Variants in TLN2 observed in about 807,000 individuals in gnomAD.
TLN2 encodes the protein talin-2.
A neutral mutation model predicts 294.7 loss-of-function variants in TLN2; 118 were observed. That is an observed-to-expected ratio of 0.40 (90% CI 0.34 to 0.47). The LOEUF is 0.47. Among genes scored for constraint, TLN2 ranks in the 20% least tolerant of loss-of-function variants. The probability of loss-of-function intolerance (pLI) is 0.84; values close to 1 mark genes in which losing one functional copy is unlikely to be tolerated. For synonymous variants in TLN2, 1,431 were observed against 1,304.5 expected (o/e 1.10, Z -2.09); for missense variants, 3,083 against 3,282.2 (o/e 0.94, Z 1.48).
chr15:62,825,793 A>AAT (rs1555521866), intron 54 of TLN2, among the ~76,000 whole-genome samples: 757 of 9,320 alleles, frequency 0.081, 27 homozygotes, highest in South Asian at 0.15. Context: ...TATATATTAT[A>AAT]ATATATATTA....
chr15:62,419,013 A>G (rs553784715), intron 1 of TLN2, among the ~76,000 whole-genome samples: 1 of 152,340 alleles, frequency 6.6e-6, no homozygotes, highest in South Asian at 2.1e-4. Context: ...TAACTTGGGT[A>G]TGTGAATCAG....
intron 1 of TLN2, among the ~76,000 whole-genome samples, chr15:62,445,223 T>G (rs1018174213): frequency 6.6e-6 from 1 of 152,184 alleles, no homozygotes; most frequent in African/African-American, 2.4e-5. Context: ...GTCGTTCTTA[T>G]CCCTGCCAGT....
intron 17 of TLN2, 135 bp downstream of exon 17, chr15:62,701,349 T>G: frequency 1.4e-6 from 1 of 739,108 alleles, no homozygotes; most frequent in East Asian, 2.8e-5. Context: ...CTAAGGCACT[T>G]TTAGTGCTGT....
intron 9 of TLN2, among the ~76,000 whole-genome samples, chr15:62,664,268 G>C (rs2054264177): frequency 6.6e-6 from 1 of 151,822 alleles, no homozygotes; most frequent in Non-Finnish European, 1.5e-5. Flanking sequence ...CAGGATAGCA[G>C]TATATACTTC....
intron 40 of TLN2, among the ~76,000 whole-genome samples, chr15:62,765,130 T>A (rs575537703): frequency 1.8e-4 from 28 of 151,688 alleles, no homozygotes; most frequent in Admixed American, 6.6e-4. Context: ...ATGTGCTCCC[T>A]GATCATACAC....
intron 37 of TLN2, among the ~76,000 whole-genome samples, chr15:62,759,893 C>T (rs2062556234): frequency 6.6e-6 from 1 of 152,246 alleles, no homozygotes; most frequent in Non-Finnish European, 1.5e-5. Context: ...CTGCCTCGCA[C>T]TGGTGTTCTC....
intron 9 of TLN2, among the ~76,000 whole-genome samples, chr15:62,659,297 A>G (rs1187861017): frequency 6.6e-6 from 1 of 152,208 alleles, no homozygotes; most frequent in African/African-American, 2.4e-5. Flanking sequence ...TCTGACTTCT[A>G]ACACCGGGTT....
intron 51 of TLN2, among the ~76,000 whole-genome samples, chr15:62,807,513 G>A (rs117461241): frequency 0.013 from 1,968 of 152,292 alleles, 22 homozygotes; most frequent in Middle Eastern, 0.031. Flanking sequence ...GGTCGCTATG[G>A]TTGATGCGTG....
intron 1 of TLN2, among the ~76,000 whole-genome samples, chr15:62,487,318 C>T (rs915401634): frequency 2.0e-5 from 3 of 152,134 alleles, no homozygotes; most frequent in Non-Finnish European, 4.4e-5. Context: ...TCCTTGTAGA[C>T]GTGATTCTGA....
rs188219890 is a variant in TLN2, at chr15:62,762,815, C to T, written c.4961+362C>T. The stretch of plus-strand genomic sequence containing the variant: ...TGTCTAATCACTGTACTACATTGTC[C>T]GTATCTAGGAGTTTAGTCATTGAGC... On this transcript the variant is annotated intron_variant, in intron 39 of 58. Transcript: ENST00000636159. Among the ~76,000 whole-genome samples the T allele has an allele frequency of 8.5e-5, 13 of 152,238 alleles. No homozygotes were observed. In the East Asian group the frequency reaches 1.9e-3, roughly 23 times the overall value.
At chr15:62,730,916 A>G (rs1029187943) in intron 28 of TLN2, among the ~76,000 whole-genome samples, 5 of 152,026 alleles carry the variant, frequency 3.3e-5, no homozygotes, top group African/African-American at 7.2e-5. Context: ...CTTCTGTCCC[A>G]TTTCCTTTCT....
intron 2 of TLN2, among the ~76,000 whole-genome samples, chr15:62,599,366 C>T (rs992714147): frequency 6.6e-6 from 1 of 152,150 alleles, no homozygotes; most frequent in African/African-American, 2.4e-5. Flanking sequence ...ACAGTGATCT[C>T]ACTGTGACTT....
intron 57 of TLN2, among the ~76,000 whole-genome samples, chr15:62,837,198 CTT>C (rs1269780031): frequency 3.3e-5 from 5 of 152,152 alleles, no homozygotes; most frequent in Admixed American, 3.3e-4. Flanking sequence ...TTTTGGCCCT[CTT>C]GAGTCCCTCT....
intron 42 of TLN2, 100 bp downstream of exon 42, chr15:62,771,234 T>G (rs1567570302): frequency 7.5e-7 from 1 of 1,326,648 alleles, no homozygotes; most frequent in East Asian, 2.5e-5. Flanking sequence ...TTCCAGTTCT[T>G]GCTGGTGGCA....
At chr15:62,774,902 T>C (rs999010518) in intron 42 of TLN2, among the ~76,000 whole-genome samples, 1 of 151,570 alleles carries the variant, frequency 6.6e-6, no homozygotes, top group African/African-American at 2.4e-5. Context: ...GGTGCTCCTG[T>C]CTCCCCCAGA....
chr15:62,537,239 C>T (rs1307323283), intron 1 of TLN2, among the ~76,000 whole-genome samples: 3 of 152,034 alleles, frequency 2.0e-5, no homozygotes, highest in Non-Finnish European at 4.4e-5. Flanking sequence ...AGGATGATCT[C>T]GATCTGACCT....
In TLN2 at chr15:62,805,711, T is replaced by C. The variant is rs754023148; in HGVS notation, c.6589T>C (p.Cys2197Arg). 4 of 1,614,194 alleles carry C rather than the reference T, an allele frequency of 2.5e-6. No homozygotes were observed. The highest frequency in any genetic ancestry group is 1.1e-5 in the South Asian group (1 of 91,086). ...TAKAVAAGNS[C>R]RQEDVIATAN... ...CAAAGCCGTGGCAGCTGGGAACTCA[T>C]GTAGACAGGAGGACGTGATTGCTAC... The change falls in exon 51 of 59, where the codon TGT (cysteine) becomes CGT (arginine). Residue 2197 changes from cysteine (C) to arginine (R), a missense_variant. Physicochemically the swap from Cys to Arg is radical, Grantham distance 180. Coordinates refer to ENST00000636159, the MANE Select transcript of TLN2 (RefSeq NM_015059.3).
At chr15:62,468,113 T>G (rs2037247912) in intron 1 of TLN2, among the ~76,000 whole-genome samples, 1 of 150,632 alleles carries the variant, frequency 6.6e-6, no homozygotes, top group Admixed American at 6.6e-5. Context: ...TTAAATAAAT[T>G]TAATTTATTA....
intron 50 of TLN2, among the ~76,000 whole-genome samples, chr15:62,803,844 A>G (rs976095933): frequency 6.6e-6 from 1 of 152,122 alleles, no homozygotes; most frequent in Non-Finnish European, 1.5e-5. Flanking sequence ...CTGGATGCTT[A>G]TAGGTGTTCA....
Sources: gnomAD v4.1 joint callset for allele counts (sites outside exome capture counted in the v4.1 genomes callset) on GRCh38, gnomAD v4.1.1 for gene constraint, MANE v1.5 for transcripts, NCBI Gene and HGNC (gene_info 2026-07-23, HGNC 2026-07-21) for gene names.